The following PRKCQ variants were observed in gnomAD, a reference collection of about 807,000 sequenced individuals.
PRKCQ encodes the protein protein kinase C theta.
PRKCQ carries 41 observed loss-of-function variants against 91.2 expected under a neutral mutation model. That is an observed-to-expected ratio of 0.45 (90% confidence interval 0.35 to 0.58). PRKCQ has a LOEUF of 0.58. Ranked by LOEUF, PRKCQ falls within the 20% of genes least tolerant of loss-of-function variation. The pLI is 0.00. For missense variants in PRKCQ, 673 were observed against 896.5 expected, an observed-to-expected ratio of 0.75 and a Z score of 3.18; for synonymous variants, 307 against 316.9, an observed-to-expected ratio of 0.97 and a Z score of 0.33.
intron 16 of PRKCQ, among the ~76,000 whole-genome samples, chr10:6,436,851 C>T (rs1180143503): frequency 6.6e-6 from 1 of 152,170 alleles, no homozygotes; most frequent in Non-Finnish European, 1.5e-5. Flanking sequence ...GAAATCATCA[C>T]TTCCAACTTC....
intron 5 of PRKCQ, 126 bp downstream of exon 5, chr10:6,498,270 T>G: frequency 7.9e-7 from 1 of 1,263,710 alleles, no homozygotes; most frequent in Non-Finnish European, 1.1e-6. Context: ...GCAAGGTCCC[T>G]GACAACGCTG....
At chr10:6,545,663 G>A (rs943879358) in intron 1 of PRKCQ, among the ~76,000 whole-genome samples, 1 of 152,114 alleles carries the variant, frequency 6.6e-6, no homozygotes, top group Admixed American at 6.5e-5. Flanking sequence ...GGAGATGCGT[G>A]GTGGCGATGG....
chr10:6,544,621 A>G (rs1588405631), intron 1 of PRKCQ, among the ~76,000 whole-genome samples: 1 of 146,460 alleles, frequency 6.8e-6, no homozygotes, highest in East Asian at 2.0e-4. Context: ...ATCCTACCCC[A>G]CACTCTTTTT....
At chr10:6,459,779 G>A (rs1309333590) in intron 14 of PRKCQ, among the ~76,000 whole-genome samples, 1 of 152,166 alleles carries the variant, frequency 6.6e-6, no homozygotes, top group East Asian at 1.9e-4. Flanking sequence ...GGCTTGGTGG[G>A]GGCATGGCCC....
the PRKCQ span, among the ~76,000 whole-genome samples, chr10:6,408,789 G>A: frequency 2.6e-5 from 4 of 152,320 alleles, no homozygotes; most frequent in Admixed American, 6.5e-5. Flanking sequence ...CCACTCAAAC[G>A]TTTATGGGAT....
At chr10:6,479,903 G>A (rs7342127) in intron 11 of PRKCQ, among the ~76,000 whole-genome samples, 8 of 151,734 alleles carry the variant, frequency 5.3e-5, no homozygotes, top group Non-Finnish European at 1.0e-4. Context: ...GGTGAACTGA[G>A]ATCATGCCAC....
intron 1 of PRKCQ, among the ~76,000 whole-genome samples, chr10:6,567,660 G>C (rs1043682076): frequency 5.9e-5 from 9 of 152,202 alleles, no homozygotes; most frequent in Non-Finnish European, 1.2e-4. Flanking sequence ...TTTAGCTGTT[G>C]TTAGAAACCC....
intron 1 of PRKCQ, among the ~76,000 whole-genome samples, chr10:6,519,143 G>T (rs978237431): frequency 6.6e-6 from 1 of 152,144 alleles, no homozygotes; most frequent in Non-Finnish European, 1.5e-5. Flanking sequence ...GATTTTCATG[G>T]GTTGCCTTTT....
the PRKCQ span, among the ~76,000 whole-genome samples, chr10:6,421,045 CTAATT>C: frequency 1.4e-4 from 21 of 152,208 alleles, no homozygotes; most frequent in Non-Finnish European, 5.9e-5. The surrounding 1 kb of genome is among the most constrained non-coding windows in gnomAD (Gnocchi z 4.1). Flanking sequence ...AACTGAAACT[CTAATT>C]TGTTTATTCT....
At chr10:6,428,751 G>T (rs1833257020) in intron 17 of PRKCQ, among the ~76,000 whole-genome samples, 1 of 152,118 alleles carries the variant, frequency 6.6e-6, no homozygotes. Context: ...TGGGGAGAGG[G>T]AGTGAGGGGG....
At chr10:6,535,060 A>G (rs1354837783) in intron 1 of PRKCQ, among the ~76,000 whole-genome samples, 4 of 152,200 alleles carry the variant, frequency 2.6e-5, no homozygotes, top group South Asian at 2.1e-4. Flanking sequence ...ATGGATGTGT[A>G]CAGAAATTAA....
At chr10:6,494,638 A>C (rs963828519) in intron 7 of PRKCQ, among the ~76,000 whole-genome samples, 2 of 152,154 alleles carry the variant, frequency 1.3e-5, no homozygotes, top group African/African-American at 4.8e-5. Flanking sequence ...CTCTGGGTGT[A>C]GGAGGAGCGG....
chr10:6,471,427 A>G (rs1835961088), intron 12 of PRKCQ, among the ~76,000 whole-genome samples: 1 of 152,188 alleles, frequency 6.6e-6, no homozygotes, highest in African/African-American at 2.4e-5. Context: ...TAGAGTAGGT[A>G]GTTTGTCAGC....
At chr10:6,412,616 A>G in the PRKCQ span, among the ~76,000 whole-genome samples, 2 of 152,250 alleles carry the variant, frequency 1.3e-5, no homozygotes, top group Non-Finnish European at 2.9e-5. Flanking sequence ...AATTCACAAC[A>G]AAGATAGAAT....
chr10:6,464,373 T>C lies in PRKCQ; in HGVS notation c.1385A>G (p.Asn462Ser), dbSNP rs1453085540. 2.5e-6 allele frequency: 4 copies of C among 1,612,828 alleles called. No homozygotes were observed. In the Admixed American group the frequency reaches 5.0e-5, roughly 20 times the overall value. ...ENLFFVMEYL[N>S]GGDLMYHIQS... ...GATGTGGTACATTAAGTCCCCTCCG[T>C]TGAGGTACTCCATCACAAAAAAGAG... Residue 462 changes from asparagine to serine, a missense_variant, in exon 13 of 18, where the codon AAC (asparagine) becomes AGC (serine). By Grantham distance (46) the Asn-to-Ser change is conservative. Transcript: ENST00000263125.
chr10:6,464,486 G>T (rs1835529356), intron 12 of PRKCQ, 82 bp from the exon 13 acceptor site: 5 of 1,240,828 alleles, frequency 4.0e-6, no homozygotes, highest in Non-Finnish European at 1.2e-6. Context: ...GTCTCACTCT[G>T]TCTCCCAGGC....
chr10:6,552,116 C>T (rs1440051193), intron 1 of PRKCQ, among the ~76,000 whole-genome samples: 1 of 152,026 alleles, frequency 6.6e-6, no homozygotes, highest in East Asian at 1.9e-4. Context: ...ATCTGTATAT[C>T]TTCTTTGAGG....
intron 1 of PRKCQ, among the ~76,000 whole-genome samples, chr10:6,540,632 C>T (rs900309746): frequency 1.3e-5 from 2 of 152,160 alleles, no homozygotes; most frequent in South Asian, 2.1e-4. Flanking sequence ...TTTGTTTGTT[C>T]CTCTGCTGAT....
intron 15 of PRKCQ, among the ~76,000 whole-genome samples, chr10:6,453,820 G>A (rs1289574252): frequency 1.3e-5 from 2 of 150,978 alleles, no homozygotes; most frequent in Admixed American, 1.3e-4. Flanking sequence ...CTATCGCAAG[G>A]ACAAAAAACC....
Sources: allele counts gnomAD v4.1 joint callset (sites outside exome capture counted in the v4.1 genomes callset), GRCh38; gene constraint gnomAD v4.1.1; non-coding constraint Gnocchi (gnomAD v3.1); transcripts MANE v1.5; gene names NCBI Gene and HGNC (gene_info 2026-07-23, HGNC 2026-07-21).